Variants in NPSR1 observed in about 807,000 individuals in gnomAD.
NPSR1 encodes neuropeptide S receptor 1.
Under a neutral mutation model 46.9 loss-of-function variants are expected in NPSR1, and 48 were observed. The observed-to-expected ratio is 1.02, with a 90% CI of 0.81 to 1.30. NPSR1 has a LOEUF of 1.30. NPSR1 is among the 50% of genes most tolerant of loss of function. The probability of loss-of-function intolerance (pLI) is 0.00; values close to 1 mark genes in which losing one functional copy is unlikely to be tolerated. For missense variants in NPSR1, 450 were observed against 449.5 expected, an observed-to-expected ratio of 1.00 and a Z score of -0.01; for synonymous variants, 176 against 168.1, an observed-to-expected ratio of 1.05 and a Z score of -0.36.
chr7:34,792,663 A>ATTTTTATATATATGTATATATATATT (rs376242477), intron 3 of NPSR1, among the ~76,000 whole-genome samples: 2 of 65,892 alleles, frequency 3.0e-5, no homozygotes, highest in African/African-American at 9.9e-5. Flanking sequence ...GTATATATAT[A>ATTTTTATATATATGTATATATATATT]TTTATATATA....
intron 4 of NPSR1, among the ~76,000 whole-genome samples, chr7:34,823,401 A>AAAAG (rs1252122536): frequency 4.9e-5 from 7 of 142,822 alleles, no homozygotes; most frequent in African/African-American, 1.9e-4. Flanking sequence ...CTTCACCAGA[A>AAAAG]AAAAAAAAAA....
Position 34,747,800 on chromosome 7 carries a change from GA to G in NPSR1, c.281-30660del, listed in dbSNP as rs1269870144. 7.9e-5 allele frequency among the ~76,000 whole-genome samples: 12 copies of G among 152,290 alleles called. No homozygotes were observed. The East Asian group carries it at 2.3e-3, about 29-fold the overall frequency. On this transcript the variant is annotated intron_variant, in intron 2 of 8. Transcript: ENST00000360581. The stretch of plus-strand genomic sequence containing the variant: ...TTACTAGCAATTAACTTCAGTTTTA[GA>G]ACACGACAAATCTTATTTTTATTAT...
downstream of NPSR1, among the ~76,000 whole-genome samples, chr7:34,852,661 A>G (rs968105019): frequency 6.6e-6 from 1 of 152,174 alleles, no homozygotes; most frequent in Non-Finnish European, 1.5e-5. Context: ...CAACTGAGAA[A>G]TGCAGTTTGA....
At chr7:34,738,220 A>G (rs1784773836) in intron 2 of NPSR1, among the ~76,000 whole-genome samples, 1 of 152,208 alleles carries the variant, frequency 6.6e-6, no homozygotes, top group Non-Finnish European at 1.5e-5. Flanking sequence ...TCAATTAGGC[A>G]ATACCTTCTT....
chr7:34,848,460 C>G, intron 7 of NPSR1, 23 bp from the exon 8 acceptor site: 6 of 1,610,680 alleles, frequency 3.7e-6, no homozygotes, highest in Non-Finnish European at 5.1e-6. Context: ...TGCTGTGATG[C>G]TAATGGCTCT....
chr7:34,816,104 TAA>T lies in NPSR1; in HGVS notation c.478+4244_478+4245del, dbSNP rs1279081361. Among the ~76,000 whole-genome samples the T allele has an allele frequency of 6.6e-5, 10 of 151,560 alleles. No individual in the cohort carries two copies. In the South Asian group the frequency reaches 1.9e-3, roughly 29 times the overall value. On this transcript the variant is annotated intron_variant, in intron 4 of 8. Transcript: ENST00000360581. ...ATGTAAATGGGCTAAATGCTCCAAT[TAA>T]AAGACACACACTGGCAAATTGGATA...
At chr7:34,785,936 C>T (rs1163922268) in intron 3 of NPSR1, among the ~76,000 whole-genome samples, 1 of 152,076 alleles carries the variant, frequency 6.6e-6, no homozygotes, top group Non-Finnish European at 1.5e-5. Flanking sequence ...GGCCTTTTTA[C>T]TGTTGGAAGG....
intron 4 of NPSR1, among the ~76,000 whole-genome samples, chr7:34,813,621 G>C (rs1789099849): frequency 6.6e-6 from 1 of 152,170 alleles, no homozygotes; most frequent in Non-Finnish European, 1.5e-5. Context: ...AACAATGCTA[G>C]ATATTGTGTA....
At chr7:34,742,361 T>C (rs1436488959) in intron 2 of NPSR1, among the ~76,000 whole-genome samples, 2 of 152,196 alleles carry the variant, frequency 1.3e-5, no homozygotes, top group Non-Finnish European at 1.5e-5. Context: ...TGTGTCTCCT[T>C]CTTTGTGTTC....
At chr7:34,726,410 G>A (rs1784153331) in intron 2 of NPSR1, among the ~76,000 whole-genome samples, 2 of 152,316 alleles carry the variant, frequency 1.3e-5, no homozygotes, top group South Asian at 4.1e-4. Context: ...CACTGCTGGT[G>A]GGAATGCGAA....
intron 2 of NPSR1, among the ~76,000 whole-genome samples, chr7:34,777,651 T>A (rs1048051657): frequency 6.6e-6 from 1 of 152,134 alleles, no homozygotes; most frequent in Non-Finnish European, 1.5e-5. Flanking sequence ...GAACGATCAG[T>A]GGAACCTTCT....
In NPSR1 at chr7:34,863,359, C is replaced by A. The variant is rs1379352896; in HGVS notation, c.1025+14696C>A. Among the ~76,000 whole-genome samples, 3 of 151,902 alleles carry A rather than the reference C, an allele frequency of 2.0e-5. No homozygotes were observed. In the South Asian group the frequency reaches 6.2e-4, roughly 31 times the overall value. ...ACTAAAACACCAAAAGCAAAGGCAA[C>A]AAAAGCCAAAATTGGTAAATGGGAT... is the stretch of plus-strand genomic sequence containing the variant. On this transcript the variant is annotated intron_variant, in intron 8 of 8. Coordinates refer to the NPSR1 transcript ENST00000359791.
chr7:34,779,514 A>G, intron 3 of NPSR1: 1 of 959,732 alleles, frequency 1.0e-6, no homozygotes, highest in Non-Finnish European at 1.4e-6. Flanking sequence ...TAAAATTTTA[A>G]TTTTTTTCAT....
intron 6 of NPSR1, among the ~76,000 whole-genome samples, chr7:34,842,795 C>G (rs1342825442): frequency 6.6e-6 from 1 of 152,252 alleles, no homozygotes; most frequent in Non-Finnish European, 1.5e-5. Context: ...CAAAAACACT[C>G]AGAAACTTCA....
chr7:34,862,424 G>A (rs1323524892), intron 8 of NPSR1, among the ~76,000 whole-genome samples: 2 of 151,714 alleles, frequency 1.3e-5, no homozygotes, highest in African/African-American at 2.4e-5. Context: ...TCCAGTCTTA[G>A]GAATATTAGC....
At chr7:34,673,783 GTA>G (rs1326365519) in intron 1 of NPSR1, among the ~76,000 whole-genome samples, 1 of 152,172 alleles carries the variant, frequency 6.6e-6, no homozygotes, top group Non-Finnish European at 1.5e-5. Flanking sequence ...ATATGTAGCT[GTA>G]TACAGATTTC....
In NPSR1 at chr7:34,849,681, C is replaced by A. The variant is rs771179794; in HGVS notation, c.*26C>A. The A allele has an allele frequency of 6.2e-7, 1 of 1,612,368 alleles. No individual in the cohort carries two copies. Among genetic ancestry groups the A allele is most frequent in the African/African-American group, 1.3e-5 (1 of 74,974 alleles). ...ACCCTAGGGCAGTGCCAGTGCTAGG[C>A]TGAGCACCATCAGCTCTCCCAGGTC... On this transcript the variant is annotated 3_prime_UTR_variant, in exon 9 of 9. Transcript: ENST00000360581.
intron 2 of NPSR1, among the ~76,000 whole-genome samples, chr7:34,698,717 G>T (rs989488254): frequency 1.3e-5 from 2 of 152,184 alleles, no homozygotes; most frequent in Admixed American, 6.5e-5. Flanking sequence ...ATTGTGAGAA[G>T]TGAGGCCAAG....
At chr7:34,685,165 A>T (rs1792863214) in intron 2 of NPSR1, among the ~76,000 whole-genome samples, 1 of 152,232 alleles carries the variant, frequency 6.6e-6, no homozygotes, top group Non-Finnish European at 1.5e-5. Flanking sequence ...GGGTAGTATA[A>T]TGAAGTAATA....
Sources: allele counts gnomAD v4.1 joint callset (sites outside exome capture counted in the v4.1 genomes callset), GRCh38; gene constraint gnomAD v4.1.1; transcripts MANE v1.5; gene names NCBI Gene and HGNC (gene_info 2026-07-23, HGNC 2026-07-21).